Variants in NASP observed in about 807,000 individuals in gnomAD.
The protein encoded by NASP is nuclear autoantigenic sperm protein, also known as NASP histone chaperone.
Under a neutral mutation model 89.5 loss-of-function variants are expected in NASP, and 24 were observed. The observed-to-expected ratio is 0.27, with a 90% CI of 0.19 to 0.38. The LOEUF is 0.38. Ranked by LOEUF, NASP falls within the 10% of genes least tolerant of loss-of-function variation. The pLI, the probability that NASP is intolerant of heterozygous loss-of-function variation, is 1.00. For missense variants in NASP, 848 were observed against 921.4 expected (o/e 0.92, Z 1.03); for synonymous variants, 306 against 324.7 (o/e 0.94, Z 0.62).
At chr1:45,597,719 G>T (rs1643734109) in intron 2 of NASP, among the ~76,000 whole-genome samples, 1 of 152,156 alleles carries the variant, frequency 6.6e-6, no homozygotes, top group South Asian at 2.1e-4. Flanking sequence ...TAACGTAACA[G>T]TGTAAAGGAT....
chr1:45,606,451 A>G, intron 4 of NASP, 31 bp from the exon 5 acceptor site: 1 of 1,545,328 alleles, frequency 6.5e-7, no homozygotes, highest in Non-Finnish European at 8.9e-7. Flanking sequence ...TCTAGCCATC[A>G]AACCTTTGGT....
intron 1 of NASP, chr1:45,589,022 G>A (rs1643442890): frequency 6.4e-6 from 1 of 155,422 alleles, no homozygotes; most frequent in Non-Finnish European, 1.4e-5. Flanking sequence ...ATTCCCATTG[G>A]GCTTTTTTAT....
At chr1:45,597,775 G>A (rs764072841) in intron 2 of NASP, among the ~76,000 whole-genome samples, 2 of 152,042 alleles carry the variant, frequency 1.3e-5, no homozygotes, top group Admixed American at 1.3e-4. Context: ...CAGCATCTCC[G>A]TTTGTTCACA....
intron 11 of NASP, 153 bp downstream of exon 11, chr1:45,615,624 T>G: frequency 1.5e-6 from 1 of 682,000 alleles, no homozygotes; most frequent in Non-Finnish European, 2.4e-6. Flanking sequence ...TAAGAGGAAA[T>G]ACCCTGGAGC....
chr1:45,584,805 C>G (rs1160989772), intron 1 of NASP, among the ~76,000 whole-genome samples: 1 of 152,184 alleles, frequency 6.6e-6, no homozygotes, highest in Admixed American at 6.5e-5. Flanking sequence ...CGCTGCGGCT[C>G]CAGCAGGAGC....
At chr1:45,612,312 G>A (rs1644029477) in intron 6 of NASP, 1 of 152,174 alleles carries the variant, frequency 6.6e-6, no homozygotes, top group Non-Finnish European at 1.5e-5. Context: ...TGGAGATAGT[G>A]TTTGAGCTTT....
intron 6 of NASP, chr1:45,611,424 G>A (rs1644006350): frequency 6.6e-6 from 1 of 151,472 alleles, no homozygotes; most frequent in Non-Finnish European, 1.5e-5. Context: ...GAATGGTGGG[G>A]AGCTAGGTTA....
intron 7 of NASP, among the ~76,000 whole-genome samples, chr1:45,613,750 AGT>A (rs1448764721): frequency 2.0e-5 from 3 of 152,068 alleles, no homozygotes; most frequent in African/African-American, 7.2e-5. Context: ...AGCCTCCCAA[AGT>A]GTTGGGATTA....
intron 4 of NASP, among the ~76,000 whole-genome samples, 163 bp downstream of exon 4, chr1:45,605,179 T>C (rs1294061915): frequency 5.3e-5 from 8 of 152,330 alleles, no homozygotes; most frequent in Admixed American, 3.9e-4. Flanking sequence ...TTAGTAGTTA[T>C]ATTTAAGTTT....
chr1:45,593,423 C>T (rs1192741369), intron 2 of NASP, among the ~76,000 whole-genome samples: 1 of 151,082 alleles, frequency 6.6e-6, no homozygotes, highest in Non-Finnish European at 1.5e-5. Flanking sequence ...ATCCCAGCTA[C>T]TCGGGAGGCT....
Position 45,608,489 on chromosome 1 carries a change from C to T in NASP, c.1426+152C>T, listed in dbSNP as rs139268188. On this transcript the variant is annotated intron_variant, in intron 6 of 14. Coordinates refer to ENST00000350030, the MANE Select transcript of NASP (RefSeq NM_002482.4). ...GAAAAGGGGGGTAGTTTAACAAGGT[C>T]GTGATAGTCAAGTAAGTTCAATCAA... is the stretch of plus-strand genomic sequence containing the variant. The T allele has an allele frequency of 3.1e-5, 23 of 750,802 alleles. No homozygotes were observed. The East Asian group carries it at 4.1e-4, about 13-fold the overall frequency. The allele number at this position is 750,802 out of a possible 1,614,324, so 46.5% of individuals were successfully genotyped here.
In NASP at chr1:45,615,327, G is replaced by A. The variant is rs1644085979; in HGVS notation, c.1878G>A (p.Lys626=). 1.2e-6 allele frequency: 2 copies of A among 1,614,150 alleles called. No individual in the cohort carries two copies. Among genetic ancestry groups the A allele is most frequent in the African/African-American group, 1.3e-5 (1 of 75,042 alleles). The change falls in exon 11 of 15, where the codon AAG becomes AAA. Residue 626 remains lysine, a synonymous_variant. Coordinates refer to ENST00000350030, the MANE Select transcript of NASP (RefSeq NM_002482.4). ...TAGCTGTACTAAACGAGCAGGTGAA[G>A]GAGGCTGAAGGATCGTCTGCTGAAT... ...NRMAVLNEQV[K]EAEGSSAEYK... is the part of the protein sequence containing the mutation.
At chr1:45,598,815 G>C (rs1643761595) in intron 2 of NASP, among the ~76,000 whole-genome samples, 1 of 152,118 alleles carries the variant, frequency 6.6e-6, no homozygotes, top group African/African-American at 2.4e-5. Context: ...TTGAATCGCT[G>C]CCATTAATAT....
Position 45,608,144 on chromosome 1 carries a change from G to T in NASP, c.1233G>T (p.Glu411Asp). The change falls in exon 6 of 15, where the codon GAG (glutamate) becomes GAT (aspartate). Residue 411 changes from glutamate to aspartate, a missense_variant. By Grantham distance (45) the Glu-to-Asp change is conservative (BLOSUM62 2). Transcript: ENST00000350030. ...AAACAAAAGATGGCTCAGGACTAGA[G>T]GAGAAGGTCAGGGCAAAGCTGGTTC... ...LTETKDGSGL[E>D]EKVRAKLVPS... 3.7e-6 allele frequency: 6 copies of T among 1,614,126 alleles called. No homozygotes were observed. The highest frequency in any genetic ancestry group is 5.1e-6 in the Non-Finnish European group (6 of 1,179,992).
chr1:45,605,923 T>C (rs925852443), intron 4 of NASP, among the ~76,000 whole-genome samples: 1 of 151,964 alleles, frequency 6.6e-6, no homozygotes, highest in African/African-American at 2.4e-5. Flanking sequence ...ATTACAAGTA[T>C]GCGCCACCAT....
rs1372485417 is a variant in NASP at position 45,608,200 on chromosome 1, A to G, written c.1289A>G (p.Glu430Gly). ...PSQEETKLSV[E>G]ESEAAGDGVD... ...CAGGAGGAGACTAAGCTGTCTGTAG[A>G]AGAGTCTGAGGCAGCTGGAGATGGG... is the stretch of plus-strand genomic sequence containing the variant. Residue 430 changes from glutamate (E) to glycine (G), a missense_variant, in exon 6 of 15, where the codon GAA (glutamate) becomes GGA (glycine). Around this residue, in one of 5 missense-constraint regions of NASP, gnomAD observed 464 missense variants for 469.4 expected, o/e 0.99. Coordinates refer to ENST00000350030, the MANE Select transcript of NASP (RefSeq NM_002482.4). The G allele has an allele frequency of 2.5e-6, 4 of 1,614,218 alleles. No homozygotes were observed. The highest frequency in any genetic ancestry group is 3.4e-6 in the Non-Finnish European group (4 of 1,180,026).
chr1:45,616,272 G>C, intron 11 of NASP, 65 bp from the exon 12 acceptor site: 2 of 1,452,402 alleles, frequency 1.4e-6, no homozygotes, highest in Non-Finnish European at 1.9e-6. Context: ...ATGGGTTCCT[G>C]TTACAAGGCT....
At chr1:45,590,124 A>G (rs545009201) in intron 1 of NASP, among the ~76,000 whole-genome samples, 2 of 152,230 alleles carry the variant, frequency 1.3e-5, no homozygotes, top group East Asian at 3.9e-4. Context: ...CGTTCCTCCA[A>G]ATGGTTTGCA....
intron 1 of NASP, among the ~76,000 whole-genome samples, chr1:45,588,041 A>T (rs963980135): frequency 6.8e-6 from 1 of 147,746 alleles, no homozygotes; most frequent in Non-Finnish European, 1.5e-5. Context: ...GGAGTTCGAG[A>T]CCAGCCTGGC....
Sources: allele counts gnomAD v4.1 joint callset (sites outside exome capture counted in the v4.1 genomes callset), GRCh38; gene constraint gnomAD v4.1.1; regional missense constraint gnomAD v4.1.1; transcripts MANE v1.5; gene names NCBI Gene and HGNC (gene_info 2026-07-23, HGNC 2026-07-21).